FAM222B: variants seen among roughly 807,000 people sequenced by gnomAD.
FAM222B encodes the protein family with sequence similarity 222 member B.
FAM222B carries 12 observed loss-of-function variants against 38.0 expected under a neutral mutation model. The ratio of observed to expected loss-of-function variants is 0.32; its 90% CI spans 0.20 to 0.51. The LOEUF (loss-of-function observed/expected upper bound fraction) is 0.51, where lower values mean the gene tolerates loss of function less well. Ranked by LOEUF, FAM222B falls within the 20% of genes least tolerant of loss-of-function variation. FAM222B has a pLI of 0.97. For missense variants in FAM222B, 716 were observed against 754.2 expected (o/e 0.95, Z 0.59); for synonymous variants, 329 against 317.2 (o/e 1.04, Z -0.40).
At chr17:28,842,036 G>A (rs1368457827) in intron 1 of FAM222B, among the ~76,000 whole-genome samples, 11 of 152,162 alleles carry the variant, frequency 7.2e-5, no homozygotes, top group Non-Finnish European at 1.5e-4. Context: ...CATCAACATA[G>A]TACTTACAAT....
In FAM222B at chr17:28,758,737, G is replaced by T; in HGVS notation, c.1222C>A (p.Pro408Thr). Residue 408 changes from proline to threonine, a missense_variant, in exon 3 of 3, where the codon CCT becomes ACT. Physicochemically the swap from Pro to Thr is conservative, Grantham distance 38 (BLOSUM62 -1). Coordinates refer to ENST00000581407, the MANE Select transcript of FAM222B (RefSeq NM_001077498.3). Reference protein sequence around the residue: ...LAGPGFVGKAPAYPQELCLAQ... With the variant: ...LAGPGFVGKATAYPQELCLAQ... The stretch of plus-strand genomic sequence containing the variant: ...AGGCAGAGTTCCTGCGGGTAGGCAG[G>T]GGCCTTGCCCACAAAGCCAGGCCCT... 6.3e-7 allele frequency: 1 copy of T among 1,580,636 alleles called. No homozygotes were observed. Among genetic ancestry groups the T allele is most frequent in the Non-Finnish European group, 8.6e-7 (1 of 1,161,330 alleles).
At chr17:28,810,128 C>G (rs745733237) in intron 1 of FAM222B, among the ~76,000 whole-genome samples, 7 of 152,246 alleles carry the variant, frequency 4.6e-5, no homozygotes, top group Non-Finnish European at 7.4e-5. Context: ...TCCCAAGCAG[C>G]TGGGACTACA....
intron 2 of FAM222B, among the ~76,000 whole-genome samples, chr17:28,760,586 A>T (rs540777816): frequency 1.1e-4 from 16 of 143,840 alleles, no homozygotes; most frequent in Admixed American, 9.2e-4. Flanking sequence ...TCTCAGAAAA[A>T]GAAAAAAAAA....
At chr17:28,814,677 G>A (rs536931542) in intron 1 of FAM222B, among the ~76,000 whole-genome samples, 3 of 152,208 alleles carry the variant, frequency 2.0e-5, no homozygotes, top group African/African-American at 7.2e-5. Flanking sequence ...ATGGTGGCCA[G>A]GCTAGTCTCG....
chr17:28,823,492 A>T lies in FAM222B; in HGVS notation c.-41+19190T>A, dbSNP rs1363848535. 4.0e-5 allele frequency among the ~76,000 whole-genome samples: 6 copies of T among 151,576 alleles called. No homozygotes were observed. In the East Asian group the frequency reaches 1.2e-3, roughly 29 times the overall value. ...CCTTCCAGACTCAAGCAATTCTCCC[A>T]CCTCAGCCTCCTGAATACCTGGGAC... On this transcript the variant is annotated intron_variant, in intron 1 of 2. Transcript: ENST00000581407.
At chr17:28,775,830 G>A (rs559133653) in intron 1 of FAM222B, among the ~76,000 whole-genome samples, 45 of 150,172 alleles carry the variant, frequency 3.0e-4, no homozygotes, top group East Asian at 3.9e-4. Context: ...GCAGTGAGCC[G>A]AGATGGCGCC....
At chr17:28,770,949 TATATGTGTGTGTGTATAA>T (rs1336876138) in intron 1 of FAM222B, among the ~76,000 whole-genome samples, 1 of 151,782 alleles carries the variant, frequency 6.6e-6, no homozygotes, top group Non-Finnish European at 1.5e-5. Flanking sequence ...ATTATATATA[TATATGTGTGTGTGTATAA>T]ATATGTGTGT....
intron 1 of FAM222B, chr17:28,854,938 G>A: frequency 7.2e-7 from 1 of 1,386,342 alleles, no homozygotes; most frequent in Non-Finnish European, 9.7e-7. Flanking sequence ...CTTTCAATTT[G>A]GGCAGACCTA....
Position 28,767,880 on chromosome 17 carries a change from A to G in FAM222B, c.-40-1173T>C, listed in dbSNP as rs148139953. On this transcript the variant is annotated intron_variant, in intron 1 of 2. Coordinates refer to ENST00000581407, the MANE Select transcript of FAM222B (RefSeq NM_001077498.3). ...TTTCTGGGGCTTCACCCTTCCTGACATGCAATTAGACCTCCTGAACTACCT... is the reference window on the plus strand; with the variant it reads ...TTTCTGGGGCTTCACCCTTCCTGACGTGCAATTAGACCTCCTGAACTACCT... Among the ~76,000 whole-genome samples the G allele has an allele frequency of 7.2e-5, 11 of 152,306 alleles. No individual in the cohort carries two copies. In the East Asian group the frequency reaches 2.1e-3, roughly 29 times the overall value.
intron 1 of FAM222B, among the ~76,000 whole-genome samples, chr17:28,777,773 T>G (rs1346853553): frequency 6.7e-6 from 1 of 149,292 alleles, no homozygotes; most frequent in Non-Finnish European, 1.5e-5. Context: ...GAGATAAAAA[T>G]GCCTGGTACT....
chr17:28,775,201 A>G (rs2035828498), intron 1 of FAM222B, among the ~76,000 whole-genome samples: 2 of 151,520 alleles, frequency 1.3e-5, no homozygotes, highest in South Asian at 4.2e-4. Context: ...GGGTTTCACC[A>G]TGTTGGCCAG....
Position 28,757,471 on chromosome 17 carries a change from G to A in FAM222B, c.*799C>T, listed in dbSNP as rs1476000822. The A allele has an allele frequency of 1.3e-5, 2 of 151,908 alleles. No homozygotes were observed. Among genetic ancestry groups the A allele is most frequent in the Non-Finnish European group, 2.9e-5 (2 of 68,000 alleles). 9.4% of individuals were successfully genotyped at this position (151,908 alleles called of 1,614,324 possible). On this transcript the variant is annotated 3_prime_UTR_variant, in exon 3 of 3. Coordinates refer to ENST00000581407, the MANE Select transcript of FAM222B (RefSeq NM_001077498.3). ...GTAAGGTAGATTTTGTTTTTGTTGA[G>A]GGGGAAAGGATAGGGGCTGTGGGGA...
At chr17:28,814,188 AAAAG>A (rs1240087071) in intron 1 of FAM222B, among the ~76,000 whole-genome samples, 3 of 151,994 alleles carry the variant, frequency 2.0e-5, no homozygotes, top group African/African-American at 7.2e-5. Context: ...CAAAAAAAAA[AAAAG>A]AAAAGAAAAA....
rs530899303 is a variant in FAM222B, at chr17:28,850,719, T to C, written c.-41+4231A>G. Among the ~76,000 whole-genome samples the C allele has an allele frequency of 5.6e-4, 85 of 152,280 alleles. 1 individual carries two copies. The highest frequency in any genetic ancestry group is 1.9e-3 in the African/African-American group (81 of 41,576). On this transcript the variant is annotated intron_variant, in intron 1 of 2. Transcript: ENST00000577513. ...AGGTTCTGTCTGTTTGCCTATTTTCTTCTGTCTGTCGGTTTTTGTTGTTTT... is the reference window on the plus strand; with the variant it reads ...AGGTTCTGTCTGTTTGCCTATTTTCCTCTGTCTGTCGGTTTTTGTTGTTTT...
At chr17:28,853,551 T>C (rs1394799720) in intron 1 of FAM222B, among the ~76,000 whole-genome samples, 1 of 152,206 alleles carries the variant, frequency 6.6e-6, no homozygotes, top group Non-Finnish European at 1.5e-5. Context: ...AGATTACTTA[T>C]AATATCTAAT....
chr17:28,843,838 G>A (rs2039117445), upstream of FAM222B, among the ~76,000 whole-genome samples: 1 of 152,104 alleles, frequency 6.6e-6, no homozygotes, highest in Non-Finnish European at 1.5e-5. Flanking sequence ...TACGCTACTA[G>A]CTAGGAGGTG....
intron 1 of FAM222B, among the ~76,000 whole-genome samples, chr17:28,824,762 C>T (rs900740577): frequency 6.6e-6 from 1 of 152,122 alleles, no homozygotes; most frequent in African/African-American, 2.4e-5. Context: ...TACTGGTCTC[C>T]TTGCTTCCTT....
intron 1 of FAM222B, among the ~76,000 whole-genome samples, chr17:28,825,338 G>C (rs548818658): frequency 1.3e-5 from 2 of 151,520 alleles, no homozygotes; most frequent in African/African-American, 4.8e-5. Flanking sequence ...TGAGAGGCTG[G>C]GGTGGGAGGA....
At chr17:28,764,275 A>C (rs2035224707) in intron 2 of FAM222B, among the ~76,000 whole-genome samples, 5 of 149,536 alleles carry the variant, frequency 3.3e-5, no homozygotes, top group African/African-American at 1.2e-4. Flanking sequence ...CCATCTCAAA[A>C]AAAAAAAAAA....
Sources: allele counts gnomAD v4.1 joint callset (sites outside exome capture counted in the v4.1 genomes callset), GRCh38; gene constraint gnomAD v4.1.1; transcripts MANE v1.5; gene names NCBI Gene and HGNC (gene_info 2026-07-23, HGNC 2026-07-21).